CRIM1: variants seen among roughly 807,000 people sequenced by gnomAD.
CRIM1 encodes the protein cysteine rich transmembrane BMP regulator 1.
Under a neutral mutation model 116.4 loss-of-function variants are expected in CRIM1, and 32 were observed. That is an observed-to-expected ratio of 0.27 (90% confidence interval 0.21 to 0.37). The LOEUF (loss-of-function observed/expected upper bound fraction) is 0.37, where lower values mean the gene tolerates loss of function less well. CRIM1 is among the 10% of genes least tolerant of loss of function. The pLI is 1.00. For missense variants in CRIM1, 1,331 were observed against 1,354.8 expected, an observed-to-expected ratio of 0.98 and a Z score of 0.28; for synonymous variants, 590 against 509.2, an observed-to-expected ratio of 1.16 and a Z score of -2.13.
intron 7 of CRIM1, among the ~76,000 whole-genome samples, chr2:36,487,134 C>T (rs1679882359): frequency 6.6e-6 from 1 of 152,202 alleles, no homozygotes; most frequent in Admixed American, 6.5e-5. Context: ...TTTTACCTAA[C>T]ATGGCTATAT....
chr2:36,364,793 G>GA (rs1449812726), intron 1 of CRIM1, among the ~76,000 whole-genome samples: 1 of 152,088 alleles, frequency 6.6e-6, no homozygotes, highest in East Asian at 1.9e-4. Flanking sequence ...GTGAGGATTA[G>GA]AGATTTATAT....
rs115393316 is a variant in CRIM1, at chr2:36,538,355, C to T, written c.2623+809C>T. ...CTGACCCCTAGACACACAGATTTCC[C>T]GGTGGTATAGACCACACAGACCCAA... On this transcript the variant is annotated intron_variant, in intron 14 of 16. Coordinates refer to ENST00000280527, the MANE Select transcript of CRIM1 (RefSeq NM_016441.3). Among the ~76,000 whole-genome samples the T allele has an allele frequency of 2.1e-3, 326 of 152,278 alleles. 6 individuals are homozygous for T. Among genetic ancestry groups the T allele is most frequent in the African/African-American group, 7.7e-3 (321 of 41,558 alleles).
rs994592015 is a variant in CRIM1, at chr2:36,550,188, G to T, written c.*1487G>T. 6.6e-6 allele frequency: 1 copy of T among 151,426 alleles called. No homozygotes were observed. Among genetic ancestry groups the T allele is most frequent in the Non-Finnish European group, 1.5e-5 (1 of 67,918 alleles). 9.4% of individuals were successfully genotyped at this position (151,426 alleles called of 1,614,324 possible). A position where few individuals can be genotyped will look rare whatever the true frequency, so the allele number is the denominator to read the frequency against. The stretch of plus-strand genomic sequence containing the variant: ...TGGTTTTCAATTTGCTCACTGGCCA[G>T]AGACATTGATGGCAGTTCTTATCTG... On this transcript the variant is annotated 3_prime_UTR_variant, in exon 17 of 17. Coordinates refer to ENST00000280527, the MANE Select transcript of CRIM1 (RefSeq NM_016441.3).
intron 2 of CRIM1, among the ~76,000 whole-genome samples, chr2:36,407,450 G>C (rs1672896213): frequency 1.3e-5 from 2 of 152,036 alleles, no homozygotes; most frequent in African/African-American, 4.8e-5. Context: ...ACAAATTTTG[G>C]GGAGAATTGT....
Position 36,441,561 on chromosome 2 carries a change from C to G in CRIM1, c.748+61C>G, listed in dbSNP as rs1241263157. On this transcript the variant is annotated intron_variant, in intron 3 of 16. Coordinates refer to ENST00000280527, the MANE Select transcript of CRIM1 (RefSeq NM_016441.3). The stretch of plus-strand genomic sequence containing the variant: ...TTGCATCAGAGGGTAGCAGATCCCT[C>G]CTCAGCCACCCCTGGCCTCTCCTTT... The G allele has an allele frequency of 3.2e-6, 5 of 1,578,218 alleles. No homozygotes were observed. The African/African-American group carries it at 4.0e-5, about 13-fold the overall frequency.
intron 5 of CRIM1, among the ~76,000 whole-genome samples, chr2:36,470,223 C>T (rs1678389609): frequency 6.6e-6 from 1 of 152,142 alleles, no homozygotes; most frequent in Admixed American, 6.5e-5. Flanking sequence ...ATGAATAGTC[C>T]TTCTCTTTTC....
At chr2:36,377,537 C>G (rs12712500) in intron 1 of CRIM1, among the ~76,000 whole-genome samples, 33,448 of 152,112 alleles carry the variant, frequency 0.22, 4,006 homozygotes, top group Non-Finnish European at 0.27. Context: ...TTCATGATTT[C>G]CCTCTGTAAA....
intron 8 of CRIM1, among the ~76,000 whole-genome samples, chr2:36,503,093 T>C (rs141526576): frequency 6.6e-6 from 1 of 152,342 alleles, no homozygotes; most frequent in African/African-American, 2.4e-5. Flanking sequence ...TCCAGGTTAT[T>C]TGGCAACTTT....
intron 1 of CRIM1, among the ~76,000 whole-genome samples, chr2:36,366,861 A>T (rs1669639767): frequency 6.6e-6 from 1 of 152,210 alleles, no homozygotes; most frequent in Admixed American, 6.5e-5. Context: ...TACCTTGAGG[A>T]TGTTTGACCT....
chr2:36,524,301 A>G (rs1469547402), intron 13 of CRIM1, among the ~76,000 whole-genome samples: 1 of 152,228 alleles, frequency 6.6e-6, no homozygotes, highest in Non-Finnish European at 1.5e-5. Context: ...TACCTTTTCA[A>G]AGAGCTGACC....
intron 1 of CRIM1, among the ~76,000 whole-genome samples, chr2:36,374,131 A>T (rs1670139333): frequency 6.6e-6 from 1 of 152,224 alleles, no homozygotes; most frequent in South Asian, 2.1e-4. Context: ...ATTGATGCAG[A>T]TATTCCTTAG....
chr2:36,460,815 A>G (rs1677522251), intron 4 of CRIM1, among the ~76,000 whole-genome samples: 3 of 152,232 alleles, frequency 2.0e-5, no homozygotes, highest in African/African-American at 7.2e-5. Context: ...TTACCACAAA[A>G]TAGAGAAAGA....
Position 36,513,415 on chromosome 2 carries a change from C to T in CRIM1, c.1781-141C>T, listed in dbSNP as rs1664819412. The stretch of plus-strand genomic sequence containing the variant: ...AGAACATACTGACTTAAATTCTTTT[C>T]ATGAACATGTCCCATGTCACAAACT... On this transcript the variant is annotated intron_variant, in intron 10 of 16. Coordinates refer to ENST00000280527, the MANE Select transcript of CRIM1 (RefSeq NM_016441.3). 10 of 652,776 alleles carry T rather than the reference C, an allele frequency of 1.5e-5. No individual in the cohort carries two copies. In the South Asian group the frequency reaches 1.9e-4, roughly 13 times the overall value. The allele number at this position is 652,776 out of a possible 1,614,324, so 40.4% of individuals were successfully genotyped here.
chr2:36,464,344 C>A (rs1035085200), intron 4 of CRIM1, among the ~76,000 whole-genome samples, 190 bp from the exon 5 acceptor site: 1 of 152,088 alleles, frequency 6.6e-6, no homozygotes, highest in African/African-American at 2.4e-5. Flanking sequence ...GGAGACAAGC[C>A]TTAGTTATTT....
Position 36,396,731 on chromosome 2 carries a change from A to G in CRIM1, c.449A>G (p.Asn150Ser), listed in dbSNP as rs754321229. ...CECNTIRTCS[N>S]PFEFPSQDMC... Reference sequence around the variant, plus strand: ...TGTAACACCATTCGAACCTGCAGCAATCCCTTTGAGTTTCCAAGTCAGGAT... The same window carrying G: ...TGTAACACCATTCGAACCTGCAGCAGTCCCTTTGAGTTTCCAAGTCAGGAT... The change falls in exon 2 of 17, where the codon AAT (asparagine) becomes AGT (serine). Residue 150 changes from asparagine to serine, a missense_variant. This residue lies in a region of CRIM1 where 690 missense variants were observed against 676.0 expected (regional missense o/e 1.02). Transcript: ENST00000280527. 67 of 1,613,714 alleles carry G rather than the reference A, an allele frequency of 4.2e-5. No individual in the cohort carries two copies. Among genetic ancestry groups the G allele is most frequent in the Non-Finnish European group, 5.3e-5 (62 of 1,179,730 alleles).
intron 8 of CRIM1, among the ~76,000 whole-genome samples, chr2:36,508,367 G>A (rs537382253): frequency 2.6e-5 from 4 of 152,150 alleles, no homozygotes; most frequent in East Asian, 3.9e-4. Context: ...TGTAAAACAC[G>A]GACCCATTTC....
rs191597425 is a variant in CRIM1 at position 36,384,367 on chromosome 2, G to C, written c.332-12247G>C. Among the ~76,000 whole-genome samples the C allele has an allele frequency of 3.2e-4, 49 of 152,320 alleles. 1 individual carries two copies. Among genetic ancestry groups the C allele is most frequent in the Admixed American group, 8.5e-4 (13 of 15,306 alleles). ...GTGAGGGGTCAGACTTGACCCTGTG[G>C]TCAGGAGAGTGCCATCATAGATTTA... On this transcript the variant is annotated intron_variant, in intron 1 of 16. Transcript: ENST00000280527.
At position 36,464,563 on chromosome 2, in the gene CRIM1, T is replaced by C. The variant is rs1401059667; in HGVS notation, c.899T>C (p.Phe300Ser). Reference protein sequence around the residue: ...RCECLSGLCGFPVCEVGSTPR... With the variant: ...RCECLSGLCGSPVCEVGSTPR... ...GAGTGTCTCTCTGGCTTATGTGGTT[T>C]CCCCGTGTGTGAGGTGGGATCCACT... Residue 300 changes from phenylalanine to serine, a missense_variant, in exon 5 of 17, where the codon TTC becomes TCC. Phe to Ser is a radical substitution (Grantham distance 155). Around this residue, in one of 3 missense-constraint regions of CRIM1, gnomAD observed 690 missense variants for 676.0 expected, o/e 1.02. Coordinates refer to ENST00000280527, the MANE Select transcript of CRIM1 (RefSeq NM_016441.3). 19 of 1,614,032 alleles carry C rather than the reference T, an allele frequency of 1.2e-5. No homozygotes were observed. The highest frequency in any genetic ancestry group is 1.4e-5 in the Non-Finnish European group (17 of 1,180,024).
At chr2:36,385,671 T>C (rs760177477) in intron 1 of CRIM1, among the ~76,000 whole-genome samples, 29 of 152,124 alleles carry the variant, frequency 1.9e-4, no homozygotes, top group Non-Finnish European at 3.5e-4. Flanking sequence ...TTCCTGTCCT[T>C]CTTTTCCCTG....
Sources: allele counts gnomAD v4.1 joint callset (sites outside exome capture counted in the v4.1 genomes callset), GRCh38; gene constraint gnomAD v4.1.1; regional missense constraint gnomAD v4.1.1; transcripts MANE v1.5; gene names NCBI Gene and HGNC (gene_info 2026-07-23, HGNC 2026-07-21).